MTCL1: variants seen among roughly 807,000 people sequenced by gnomAD.
MTCL1 encodes the protein microtubule crosslinking factor 1, also known as microtubule cross-linking factor 1.
MTCL1 carries 79 observed loss-of-function variants against 141.4 expected under a neutral mutation model. The observed-to-expected ratio is 0.56, with a 90% CI of 0.47 to 0.67. The LOEUF (loss-of-function observed/expected upper bound fraction) is 0.67, where lower values mean the gene tolerates loss of function less well. MTCL1 is among the 30% of genes least tolerant of loss of function. MTCL1 has a pLI of 0.00. For synonymous variants in MTCL1, 914 were observed against 875.8 expected (o/e 1.04, Z -0.77); for missense variants, 2,177 against 2,113.9 (o/e 1.03, Z -0.59).
In MTCL1 at chr18:8,826,214, C is replaced by T. The variant is rs771324057; in HGVS notation, c.4704C>T (p.Ala1568=). 7.5e-6 allele frequency: 12 copies of T among 1,601,948 alleles called. No homozygotes were observed. In the East Asian group the frequency reaches 8.9e-5, roughly 12 times the overall value. The change falls in exon 15 of 17, where the codon GCC becomes GCT. Residue 1568 remains alanine (A), a synonymous_variant. Coordinates refer to ENST00000359865, the Ensembl canonical transcript of MTCL1. ...ACAGCCACTCGCTGGGGGACACAGC[C>T]GAGCCAGGGCCCATGGAGGTAATGA... is the stretch of plus-strand genomic sequence containing the variant.
chr18:8,812,851 A>G (rs1010381779), intron 11 of MTCL1, 128 bp from the exon 11 acceptor site: 1 of 1,196,324 alleles, frequency 8.4e-7, no homozygotes, highest in Non-Finnish European at 1.2e-6. Flanking sequence ...AAATTTGTTT[A>G]TACTGTGGGA....
At chr18:8,777,740 T>G in intron 4 of MTCL1, 93 bp from the exon 4 acceptor site, 2 of 1,049,610 alleles carry the variant, frequency 1.9e-6, no homozygotes, top group Non-Finnish European at 2.9e-6. Flanking sequence ...CTCCGTTCAG[T>G]GTGTGTGTCC....
At chr18:8,777,246 A>AAAC (rs752719576) in intron 4 of MTCL1, among the ~76,000 whole-genome samples, 1 of 152,164 alleles carries the variant, frequency 6.6e-6, no homozygotes, top group Admixed American at 6.5e-5. Context: ...CTCAAATAAA[A>AAAC]AACAACAACA....
intron 2 of MTCL1, 25 bp from the exon 2 acceptor site, chr18:8,718,399 A>C: frequency 6.2e-7 from 1 of 1,609,320 alleles, no homozygotes; most frequent in Non-Finnish European, 8.5e-7. Flanking sequence ...TTGGCTCATA[A>C]ATCTTCTCTG....
intron 9 of MTCL1, 92 bp downstream of exon 8, chr18:8,796,554 G>C: frequency 8.2e-7 from 1 of 1,219,710 alleles, no homozygotes; most frequent in Admixed American, 2.3e-5. Context: ...ACACAGTCAT[G>C]TTCTATTATT....
upstream of MTCL1, chr18:8,705,585 ACGCCGCCGC>A (rs529374906): frequency 6.4e-3 from 7,305 of 1,137,788 alleles, 158 homozygotes; most frequent in African/African-American, 0.063. The surrounding 1 kb of genome is among the most constrained non-coding windows in gnomAD (Gnocchi z 5.2). Context: ...GGGAGGCTGC[ACGCCGCCGC>A]CGCCGCCGCC....
At chr18:8,784,968 T>C in intron 6 of MTCL1, 125 bp downstream of exon 5, 8 of 789,638 alleles carry the variant, frequency 1.0e-5, no homozygotes, top group Non-Finnish European at 1.3e-5. Flanking sequence ...TGCATTGTAC[T>C]AAAGCCTCCG....
chr18:8,718,218 A>G (rs1011383752), intron 2 of MTCL1, among the ~76,000 whole-genome samples: 2 of 152,206 alleles, frequency 1.3e-5, no homozygotes, highest in African/African-American at 4.8e-5. Context: ...TTCTGGTTAC[A>G]TAAGATTTGA....
At chr18:8,745,318 C>T (rs1460108285) in intron 4 of MTCL1, among the ~76,000 whole-genome samples, 7 of 152,162 alleles carry the variant, frequency 4.6e-5, no homozygotes, top group African/African-American at 1.7e-4. Flanking sequence ...AGTTTGCCAA[C>T]AATGTGTGTA....
intron 6 of MTCL1, among the ~76,000 whole-genome samples, 176 bp downstream of exon 5, chr18:8,785,019 T>C (rs1213157897): frequency 6.7e-6 from 1 of 148,352 alleles, no homozygotes; most frequent in Non-Finnish European, 1.5e-5. Context: ...TCCGTTTTTT[T>C]TGTTTTTTTT....
intron 4 of MTCL1, among the ~76,000 whole-genome samples, chr18:8,766,459 C>G (rs1298791394): frequency 2.0e-5 from 3 of 152,232 alleles, no homozygotes; most frequent in Non-Finnish European, 4.4e-5. Context: ...TGGGGACTTG[C>G]AGACGATAGC....
chr18:8,714,552 A>G (rs1183775059), upstream of MTCL1, among the ~76,000 whole-genome samples: 1 of 152,176 alleles, frequency 6.6e-6, no homozygotes, highest in Non-Finnish European at 1.5e-5. Flanking sequence ...AAGGAGGAGC[A>G]AAGACACATA....
chr18:8,810,704 T>C lies in MTCL1; in HGVS notation c.2605-2275T>C, dbSNP rs1382304727. On this transcript the variant is annotated intron_variant, in intron 11 of 16. Coordinates refer to ENST00000359865, the Ensembl canonical transcript of MTCL1. The surrounding 1 kb of genome is among the most constrained non-coding windows in gnomAD (Gnocchi z 5.0). ...GGTGCTTGGTGCTTTTCTGGTAGTC[T>C]TCTGGTTAACTAACACTGGAGGTTT... is the stretch of plus-strand genomic sequence containing the variant. Among the ~76,000 whole-genome samples the C allele has an allele frequency of 6.6e-6, 1 of 152,188 alleles. No individual in the cohort carries two copies. The highest frequency in any genetic ancestry group is 1.5e-5 in the Non-Finnish European group (1 of 68,028).
intron 12 of MTCL1, among the ~76,000 whole-genome samples, chr18:8,816,482 G>A (rs763834388): frequency 7.9e-5 from 12 of 152,190 alleles, no homozygotes; most frequent in African/African-American, 1.9e-4. Flanking sequence ...TCTTATCAGC[G>A]TCTCTTGTCT....
chr18:8,710,073 C>A (rs1251107774), intron 1 of MTCL1, among the ~76,000 whole-genome samples: 1 of 152,222 alleles, frequency 6.6e-6, no homozygotes, highest in African/African-American at 2.4e-5. Flanking sequence ...CTCCTGACTT[C>A]AGGTGATCTG....
intron 4 of MTCL1, among the ~76,000 whole-genome samples, chr18:8,726,080 C>T (rs1464334658): frequency 6.6e-6 from 1 of 151,156 alleles, no homozygotes; most frequent in Non-Finnish European, 1.5e-5. Flanking sequence ...CGTGAGCCAC[C>T]GCGCCTGGTC....
exon 3 of MTCL1, chr18:8,718,552 G>A: frequency 2.5e-6 from 4 of 1,614,204 alleles, no homozygotes; most frequent in Non-Finnish European, 3.4e-6. Context: ...GAATCCTGCA[G>A]TACCGTCTTC....
At chr18:8,777,858 G>A (rs753590337) in exon 5 of MTCL1, 37 of 1,613,694 alleles carry the variant, frequency 2.3e-5, no homozygotes, top group South Asian at 1.3e-4. Context: ...AGAAGCACTC[G>A]GGAAATGTAC....
At chr18:8,789,959 G>T (rs1361629344) in intron 7 of MTCL1, among the ~76,000 whole-genome samples, 1 of 152,190 alleles carries the variant, frequency 6.6e-6, no homozygotes, top group Admixed American at 6.5e-5. Flanking sequence ...CCAGCTAGGG[G>T]CAGTTGTCCG....
Sources: allele counts gnomAD v4.1 joint callset (sites outside exome capture counted in the v4.1 genomes callset), GRCh38; gene constraint gnomAD v4.1.1; non-coding constraint Gnocchi (gnomAD v3.1); transcripts MANE v1.5; gene names NCBI Gene and HGNC (gene_info 2026-07-23, HGNC 2026-07-21).